The following NTRK2 variants were observed in gnomAD, a reference collection of about 807,000 sequenced individuals.
The protein encoded by NTRK2 is BDNF/NT-3 growth factors receptor.
Under a neutral mutation model 94.5 loss-of-function variants are expected in NTRK2, and 13 were observed. The ratio of observed to expected loss-of-function variants is 0.14; its 90% CI spans 0.09 to 0.22. The LOEUF is 0.22. NTRK2 is among the 10% of genes least tolerant of loss of function. The pLI, the probability that NTRK2 is intolerant of heterozygous loss-of-function variation, is 1.00. For synonymous variants in NTRK2, 372 were observed against 407.4 expected, an observed-to-expected ratio of 0.91 and a Z score of 1.05; for missense variants, 639 against 1,071.2, an observed-to-expected ratio of 0.60 and a Z score of 5.63.
intron 16 of NTRK2, among the ~76,000 whole-genome samples, chr9:84,952,681 GA>G (rs1823624254): frequency 6.6e-6 from 1 of 152,178 alleles, no homozygotes; most frequent in South Asian, 2.1e-4. Flanking sequence ...GCCGTGTTCA[GA>G]AAGTTGAACA....
At chr9:84,870,319 G>A (rs1268162124) in intron 14 of NTRK2, among the ~76,000 whole-genome samples, 1 of 32,248 alleles carries the variant, frequency 3.1e-5, no homozygotes, top group Non-Finnish European at 6.2e-5. Flanking sequence ...CATATATGTG[G>A]GGTGTGTGTG....
At chr9:84,813,042 T>C (rs202190608) in intron 12 of NTRK2, 26 of 1,037,684 alleles carry the variant, frequency 2.5e-5, no homozygotes, top group Non-Finnish European at 3.0e-5. Context: ...TTGCTTTTTA[T>C]GTCTCCCATA....
At chr9:84,993,420 A>C (rs1459261583) in intron 17 of NTRK2, among the ~76,000 whole-genome samples, 1 of 152,138 alleles carries the variant, frequency 6.6e-6, no homozygotes, top group Non-Finnish European at 1.5e-5. Flanking sequence ...TTCCTATCTC[A>C]GTGAATGACC....
chr9:84,686,804 C>A (rs1426206066), intron 2 of NTRK2, among the ~76,000 whole-genome samples: 4 of 152,050 alleles, frequency 2.6e-5, no homozygotes, highest in African/African-American at 9.7e-5. Flanking sequence ...TAGGTGCTTG[C>A]AAAACTCATC....
chr9:84,955,138 C>A, intron 16 of NTRK2, 145 bp from the exon 17 acceptor site: 1 of 711,534 alleles, frequency 1.4e-6, no homozygotes, highest in Non-Finnish European at 2.5e-6. Context: ...CCTCTTCATG[C>A]TAAGTCAGGC....
In NTRK2 at chr9:84,886,760, T is replaced by A. The variant is rs78603308; in HGVS notation, c.1633+19329T>A. Reference sequence around the variant, plus strand: ...GACCCCTCATCAGCTTAAAACCAGTTCTTGCTTCTAGATTTTGCTTAGCTT... The same window carrying A: ...GACCCCTCATCAGCTTAAAACCAGTACTTGCTTCTAGATTTTGCTTAGCTT... On this transcript the variant is annotated intron_variant, in intron 14 of 18. Coordinates refer to ENST00000277120, the MANE Select transcript of NTRK2 (RefSeq NM_006180.6). Among the ~76,000 whole-genome samples the A allele has an allele frequency of 4.7e-3, 710 of 152,322 alleles. 13 individuals carry two copies. Among genetic ancestry groups the A allele is most frequent in the Admixed American group, 0.038 (576 of 15,304 alleles).
intron 17 of NTRK2, among the ~76,000 whole-genome samples, chr9:85,006,024 G>A (rs536658260): frequency 2.0e-5 from 3 of 152,272 alleles, no homozygotes; most frequent in Admixed American, 2.0e-4. Flanking sequence ...CTACGACAAT[G>A]CCTCACACCC....
At chr9:85,011,294 A>G (rs1473439741) in intron 17 of NTRK2, among the ~76,000 whole-genome samples, 1 of 152,142 alleles carries the variant, frequency 6.6e-6, no homozygotes, top group Non-Finnish European at 1.5e-5. Flanking sequence ...CCCACCTCCT[A>G]GTATTCAGAG....
In NTRK2 at chr9:85,008,320, CCACAGCT is replaced by C. The variant is rs554465584; in HGVS notation, c.2173-11881_2173-11875del. On this transcript the variant is annotated intron_variant, in intron 17 of 18. Coordinates refer to ENST00000277120, the MANE Select transcript of NTRK2 (RefSeq NM_006180.6). ...CTCTATCTAACTCAACTTTGTTTCC[CCACAGCT>C]CACACAGCACTAACTATAGGTTGGT... Among the ~76,000 whole-genome samples, 218 of 152,186 alleles carry C rather than the reference CCACAGCT, an allele frequency of 1.4e-3. 1 individual carries two copies. The highest frequency in any genetic ancestry group is 5.0e-3 in the African/African-American group (209 of 41,540).
intron 17 of NTRK2, among the ~76,000 whole-genome samples, chr9:85,007,514 A>G (rs1831103453): frequency 6.6e-6 from 1 of 152,174 alleles, no homozygotes; most frequent in Non-Finnish European, 1.5e-5. Flanking sequence ...CAGAAGGAAA[A>G]TGGGGAGTGA....
At chr9:84,703,882 T>C (rs1405974493) in intron 4 of NTRK2, among the ~76,000 whole-genome samples, 3 of 152,206 alleles carry the variant, frequency 2.0e-5, no homozygotes, top group Non-Finnish European at 4.4e-5. Context: ...TAGGCCTTGA[T>C]AGCATAAACA....
chr9:84,920,765 C>A (rs2077540715), intron 14 of NTRK2, among the ~76,000 whole-genome samples: 1 of 152,190 alleles, frequency 6.6e-6, no homozygotes, highest in African/African-American at 2.4e-5. Context: ...CCTCACCTCA[C>A]CAATCTAAAG....
chr9:84,764,467 T>C (rs185723660), intron 12 of NTRK2, among the ~76,000 whole-genome samples: 3 of 152,234 alleles, frequency 2.0e-5, no homozygotes, highest in Non-Finnish European at 4.4e-5. Context: ...AGTTCTGTCT[T>C]GATGACTCTT....
intron 12 of NTRK2, chr9:84,815,219 A>T: frequency 1.9e-6 from 2 of 1,056,850 alleles, no homozygotes; most frequent in Non-Finnish European, 2.3e-6. Flanking sequence ...CTAGTGTTGC[A>T]GTATAGCTTT....
At chr9:84,998,134 A>G (rs1179265463) in intron 17 of NTRK2, among the ~76,000 whole-genome samples, 1 of 152,226 alleles carries the variant, frequency 6.6e-6, no homozygotes, top group Non-Finnish European at 1.5e-5. Context: ...TGGGAGGCAG[A>G]AGCCTGAAAA....
intron 17 of NTRK2, among the ~76,000 whole-genome samples, chr9:85,012,146 G>C (rs780390962): frequency 6.6e-6 from 1 of 151,512 alleles, no homozygotes; most frequent in Non-Finnish European, 1.5e-5. Flanking sequence ...GTGCCACTGC[G>C]CCCAGCTAAT....
At chr9:84,920,581 C>T (rs1037956013) in intron 14 of NTRK2, among the ~76,000 whole-genome samples, 3 of 152,196 alleles carry the variant, frequency 2.0e-5, no homozygotes, top group African/African-American at 7.2e-5. Context: ...CCTGCCTCTA[C>T]TGCTGACTCC....
intron 17 of NTRK2, among the ~76,000 whole-genome samples, chr9:84,995,854 A>G (rs1318438101): frequency 1.3e-5 from 2 of 152,230 alleles, no homozygotes; most frequent in Non-Finnish European, 2.9e-5. Flanking sequence ...AATAGATGAC[A>G]TTCACTTGTC....
At chr9:84,826,631 A>G (rs1442586103) in intron 12 of NTRK2, among the ~76,000 whole-genome samples, 2 of 152,180 alleles carry the variant, frequency 1.3e-5, no homozygotes, top group African/African-American at 4.8e-5. Flanking sequence ...TGTTTGGCCC[A>G]TGATGTGGAC....
Sources: allele counts gnomAD v4.1 joint callset (sites outside exome capture counted in the v4.1 genomes callset), GRCh38; gene constraint gnomAD v4.1.1; transcripts MANE v1.5; gene names NCBI Gene and HGNC (gene_info 2026-07-23, HGNC 2026-07-21).